Variants in LEKR1 observed in about 807,000 individuals in gnomAD.
LEKR1 encodes protein LEKR1.
A neutral mutation model predicts 72.4 loss-of-function variants in LEKR1; 59 were observed. The ratio of observed to expected loss-of-function variants is 0.82; its 90% confidence interval spans 0.66 to 1.01. The LOEUF (loss-of-function observed/expected upper bound fraction) is 1.01. Ranked by LOEUF, LEKR1 falls within the 50% of genes least tolerant of loss-of-function variation. LEKR1 has a pLI of 0.00. For missense variants in LEKR1, 728 were observed against 759.2 expected (o/e 0.96, Z 0.48); for synonymous variants, 257 against 263.2 (o/e 0.98, Z 0.23).
intron 6 of LEKR1, among the ~76,000 whole-genome samples, chr3:156,973,859 T>C (rs1215724423): frequency 6.6e-6 from 1 of 152,098 alleles, no homozygotes; most frequent in Non-Finnish European, 1.5e-5. Flanking sequence ...ATTAGAAAAA[T>C]AGCTGTTTCT....
intron 6 of LEKR1, among the ~76,000 whole-genome samples, chr3:156,952,938 A>G (rs1387418478): frequency 1.3e-5 from 2 of 151,514 alleles, no homozygotes. Context: ...AGAGCTCCAA[A>G]CTATATTGTC....
intron 6 of LEKR1, among the ~76,000 whole-genome samples, chr3:156,959,936 C>A (rs1727965435): frequency 6.6e-6 from 1 of 152,002 alleles, no homozygotes; most frequent in South Asian, 2.1e-4. Flanking sequence ...TCTGCTGTAC[C>A]TTTCATCCCC....
chr3:157,031,864 G>T (rs1734634548), intron 12 of LEKR1, among the ~76,000 whole-genome samples: 1 of 152,148 alleles, frequency 6.6e-6, no homozygotes, highest in Admixed American at 6.6e-5. Flanking sequence ...GAAAGCCAAA[G>T]CCTCTAAAGG....
intron 4 of LEKR1, chr3:156,925,060 A>G (rs997440048): frequency 2.6e-5 from 4 of 152,058 alleles, no homozygotes; most frequent in Admixed American, 6.5e-5. Context: ...GTATCTTTCA[A>G]TTCATGAATG....
chr3:157,006,880 C>G (rs1732480013), intron 9 of LEKR1, among the ~76,000 whole-genome samples: 1 of 152,066 alleles, frequency 6.6e-6, no homozygotes. Context: ...GTATTGATTG[C>G]CTGGAGGAGA....
At chr3:156,964,283 C>A (rs1318131184) in intron 6 of LEKR1, among the ~76,000 whole-genome samples, 1 of 151,980 alleles carries the variant, frequency 6.6e-6, no homozygotes, top group Non-Finnish European at 1.5e-5. Flanking sequence ...CTCCTATTTT[C>A]TTTATTATGA....
intron 3 of LEKR1, among the ~76,000 whole-genome samples, chr3:156,878,957 A>G (rs1270294361): frequency 6.6e-6 from 1 of 152,078 alleles, no homozygotes; most frequent in African/African-American, 2.4e-5. Flanking sequence ...CTGTGATTAA[A>G]CAGTCCATTA....
chr3:156,940,867 T>C (rs1726135330), intron 5 of LEKR1, among the ~76,000 whole-genome samples: 1 of 152,130 alleles, frequency 6.6e-6, no homozygotes, highest in Admixed American at 6.6e-5. Flanking sequence ...ATATGATAAA[T>C]AGGTGACACC....
At chr3:156,876,824 G>A (rs956044880) in intron 3 of LEKR1, among the ~76,000 whole-genome samples, 2 of 152,106 alleles carry the variant, frequency 1.3e-5, no homozygotes, top group African/African-American at 2.4e-5. Flanking sequence ...TATTTCCCTT[G>A]TCTGACTGCA....
At chr3:156,877,869 G>A (rs922092245) in intron 3 of LEKR1, among the ~76,000 whole-genome samples, 2 of 152,004 alleles carry the variant, frequency 1.3e-5, no homozygotes, top group Non-Finnish European at 2.9e-5. Context: ...TGCAACCTCC[G>A]CCTCCTGGGT....
intron 2 of LEKR1, among the ~76,000 whole-genome samples, chr3:156,835,863 C>CTT (rs59061418): frequency 0.21 from 11,557 of 55,324 alleles, 3,997 homozygotes; most frequent in East Asian, 0.39. Flanking sequence ...CTCTGTCTCA[C>CTT]TTTTTTTTTT....
At chr3:156,840,282 A>G (rs1192836264) in intron 2 of LEKR1, among the ~76,000 whole-genome samples, 1 of 152,186 alleles carries the variant, frequency 6.6e-6, no homozygotes, top group Non-Finnish European at 1.5e-5. Context: ...CCTAATGTCC[A>G]TGTTGTTCAA....
intron 10 of LEKR1, among the ~76,000 whole-genome samples, chr3:157,023,921 T>C (rs1734020189): frequency 6.6e-6 from 1 of 152,170 alleles, no homozygotes; most frequent in South Asian, 2.1e-4. Context: ...TTGAAGGTAT[T>C]GTAAGTCAAA....
intron 3 of LEKR1, among the ~76,000 whole-genome samples, chr3:156,900,051 A>G (rs1721855351): frequency 6.6e-6 from 1 of 152,152 alleles, no homozygotes; most frequent in Non-Finnish European, 1.5e-5. Context: ...ATTAGGTAGT[A>G]TGGTAAACTC....
intron 6 of LEKR1, among the ~76,000 whole-genome samples, chr3:156,962,802 G>A (rs1326350040): frequency 6.6e-6 from 1 of 152,042 alleles, no homozygotes; most frequent in Non-Finnish European, 1.5e-5. Flanking sequence ...CTGTAATTCT[G>A]GTTCATTCTC....
rs1416395204 is a variant in LEKR1 at position 157,011,511 on chromosome 3, T to C, written c.1203+5T>C. The stretch of plus-strand genomic sequence containing the variant: ...GATGATAACTGGAAGGAGAAGGTAA[T>C]GGTAGTGTGGCTTTCATCAGCATGC... On this transcript the variant is annotated splice_donor_5th_base_variant and intron_variant, in intron 10 of 12. Transcript: ENST00000356539. The C allele has an allele frequency of 1.3e-5, 20 of 1,598,078 alleles. No homozygotes were observed. Among genetic ancestry groups the C allele is most frequent in the African/African-American group, 2.7e-5 (2 of 74,564 alleles).
At chr3:156,969,009 C>T (rs541598059) in intron 6 of LEKR1, among the ~76,000 whole-genome samples, 12 of 152,250 alleles carry the variant, frequency 7.9e-5, no homozygotes, top group Non-Finnish European at 1.5e-5. Context: ...AACTGAACAA[C>T]CTGCTCCTGA....
intron 7 of LEKR1, among the ~76,000 whole-genome samples, chr3:156,984,844 A>C (rs1413204926): frequency 6.6e-6 from 1 of 151,990 alleles, no homozygotes; most frequent in Admixed American, 6.6e-5. Flanking sequence ...TAAACTTTTG[A>C]CCATCACAAA....
intron 3 of LEKR1, among the ~76,000 whole-genome samples, chr3:156,902,612 C>T (rs952728074): frequency 1.3e-5 from 2 of 152,052 alleles, no homozygotes; most frequent in Non-Finnish European, 2.9e-5. Flanking sequence ...CATTTCATAA[C>T]CACCAACAGT....
Sources: allele counts gnomAD v4.1 joint callset (sites outside exome capture counted in the v4.1 genomes callset), GRCh38; gene constraint gnomAD v4.1.1; transcripts MANE v1.5; gene names NCBI Gene and HGNC (gene_info 2026-07-23, HGNC 2026-07-21).